The following TCF12 variants were observed in gnomAD, a reference collection of about 807,000 sequenced individuals.
TCF12 encodes transcription factor 12.
A neutral mutation model predicts 86.0 loss-of-function variants in TCF12; 45 were observed. The observed-to-expected ratio is 0.52, with a 90% confidence interval of 0.41 to 0.67. The LOEUF is 0.67. Ranked by LOEUF, TCF12 falls within the 30% of genes least tolerant of loss-of-function variation. TCF12 has a pLI of 0.00. For synonymous variants in TCF12, 330 were observed against 299.6 expected (o/e 1.10, Z -1.05); for missense variants, 881 against 859.9 (o/e 1.02, Z -0.31).
intron 5 of TCF12, among the ~76,000 whole-genome samples, chr15:57,105,216 A>G (rs2050060936): frequency 1.3e-5 from 2 of 152,078 alleles, no homozygotes; most frequent in African/African-American, 4.8e-5. Flanking sequence ...TATGCTGTTT[A>G]GCTTTCAAAT....
In TCF12 at chr15:57,014,829, T is replaced by C. The variant is rs376410367; in HGVS notation, c.149-48921T>C. Among the ~76,000 whole-genome samples, 11 of 151,522 alleles carry C rather than the reference T, an allele frequency of 7.3e-5. No individual in the cohort carries two copies. In the South Asian group the frequency reaches 1.5e-3, roughly 20 times the overall value. The stretch of plus-strand genomic sequence containing the variant: ...ACAGTGGTCCTTATGGGTCAAGATA[T>C]GGGGGTGGGGAGGTATAATGGTTCT... On this transcript the variant is annotated intron_variant, in intron 3 of 20. Transcript: ENST00000333725.
At chr15:57,271,222 C>T (rs547536506) in intron 18 of TCF12, among the ~76,000 whole-genome samples, 48 of 152,334 alleles carry the variant, frequency 3.2e-4, no homozygotes, top group African/African-American at 1.1e-3. Flanking sequence ...CGGTGGGCTC[C>T]GCCCAGTTCG....
rs557983732 is a variant in TCF12 at position 56,970,120 on chromosome 15, A to G, written c.148+49022A>G. On this transcript the variant is annotated intron_variant, in intron 3 of 20. Transcript: ENST00000333725. ...ACCTAAGAGCATATTGAAACAGTGTATGGTAAACTTGGCATCTCAGAGCAC... is the reference window on the plus strand; with the variant it reads ...ACCTAAGAGCATATTGAAACAGTGTGTGGTAAACTTGGCATCTCAGAGCAC... 2.3e-4 allele frequency among the ~76,000 whole-genome samples: 35 copies of G among 152,344 alleles called. No individual in the cohort carries two copies. The East Asian group carries it at 5.8e-3, about 25-fold the overall frequency.
Position 57,021,368 on chromosome 15 carries a change from T to A in TCF12, c.149-42382T>A, listed in dbSNP as rs562744846. On this transcript the variant is annotated intron_variant, in intron 3 of 20. Transcript: ENST00000333725. ...AAACTAGTGATGGGACAGAAAACAT[T>A]GGCATCGGGCGCGGTGGCTCACGCC... Among the ~76,000 whole-genome samples the A allele has an allele frequency of 5.3e-5, 8 of 152,244 alleles. No individual in the cohort carries two copies. The South Asian group carries it at 1.7e-3, about 32-fold the overall frequency.
intron 4 of TCF12, among the ~76,000 whole-genome samples, chr15:57,086,147 G>T (rs757177890): frequency 4.0e-5 from 6 of 148,594 alleles, no homozygotes; most frequent in Non-Finnish European, 6.0e-5. Flanking sequence ...GGGGGAAAAA[G>T]AAAAAAAATA....
chr15:57,018,700 C>G (rs2065295332), intron 3 of TCF12, among the ~76,000 whole-genome samples: 1 of 152,078 alleles, frequency 6.6e-6, no homozygotes, highest in South Asian at 2.1e-4. Context: ...CTTGGCCTCC[C>G]AAAGGGCTAG....
At chr15:57,010,320 A>G (rs2064747130) in intron 3 of TCF12, among the ~76,000 whole-genome samples, 1 of 152,112 alleles carries the variant, frequency 6.6e-6, no homozygotes, top group African/African-American at 2.4e-5. Flanking sequence ...GGCCACGGCA[A>G]GAGGATTGCT....
At chr15:57,038,216 G>C (rs1254582604) in intron 3 of TCF12, among the ~76,000 whole-genome samples, 1 of 152,196 alleles carries the variant, frequency 6.6e-6, no homozygotes, top group East Asian at 1.9e-4. Flanking sequence ...AGGATTACTT[G>C]AGGCCAGGAG....
At chr15:57,078,589 A>G (rs1466736359) in intron 4 of TCF12, among the ~76,000 whole-genome samples, 1 of 152,184 alleles carries the variant, frequency 6.6e-6, no homozygotes, top group East Asian at 1.9e-4. Flanking sequence ...CTACACATAT[A>G]TACATATGCA....
At chr15:57,132,210 T>G (rs145642713) in intron 5 of TCF12, among the ~76,000 whole-genome samples, 2 of 152,324 alleles carry the variant, frequency 1.3e-5, no homozygotes, top group East Asian at 3.9e-4. Flanking sequence ...TCACTAGATT[T>G]CTTTCCCAAA....
chr15:56,967,931 C>G (rs1256962515), intron 3 of TCF12, among the ~76,000 whole-genome samples: 6 of 151,946 alleles, frequency 3.9e-5, no homozygotes, highest in African/African-American at 9.7e-5. Flanking sequence ...ATTTTAGCTT[C>G]TCATTGGTTG....
In TCF12 at chr15:57,234,081, G is replaced by A; in HGVS notation, c.1009G>A (p.Asp337Asn). The A allele has an allele frequency of 6.2e-7, 1 of 1,613,636 alleles. No individual in the cohort carries two copies. Among genetic ancestry groups the A allele is most frequent in the Non-Finnish European group, 8.5e-7 (1 of 1,179,666 alleles). ...TGCTGCTGGAAGCTCACAGACAGGT[G>A]ATGCACTTGGAAAGGCTTTGGCATC... is the stretch of plus-strand genomic sequence containing the variant. ...GNAAGSSQTG[D>N]ALGKALASIY... The change falls in exon 12 of 21, where the codon GAT (aspartate) becomes AAT (asparagine). Residue 337 changes from aspartate (D) to asparagine (N), a missense_variant. Asp to Asn is a conservative substitution (Grantham distance 23, BLOSUM62 1). This residue lies in a region of TCF12 where 766 missense variants were observed against 718.9 expected (regional missense o/e 1.07). Coordinates refer to ENST00000333725, the MANE Select transcript of TCF12 (RefSeq NM_207037.2).
chr15:57,079,451 C>T (rs183509069), intron 4 of TCF12, among the ~76,000 whole-genome samples: 1 of 152,232 alleles, frequency 6.6e-6, no homozygotes, highest in African/African-American at 2.4e-5. Context: ...CTCCAGGATA[C>T]AAACCATGCT....
intron 5 of TCF12, among the ~76,000 whole-genome samples, chr15:57,135,495 T>C (rs1161608919): frequency 1.3e-5 from 2 of 152,194 alleles, no homozygotes; most frequent in African/African-American, 4.8e-5. Context: ...GATTAGAAAG[T>C]TGTCTGTATC....
intron 3 of TCF12, among the ~76,000 whole-genome samples, chr15:57,049,156 A>G (rs952736434): frequency 6.6e-6 from 1 of 152,098 alleles, no homozygotes; most frequent in Non-Finnish European, 1.5e-5. Flanking sequence ...ACAGTTCTCA[A>G]ATGTCATCCC....
At chr15:56,977,362 G>A (rs577663284) in intron 3 of TCF12, among the ~76,000 whole-genome samples, 5 of 152,146 alleles carry the variant, frequency 3.3e-5, no homozygotes, top group Admixed American at 1.3e-4. Flanking sequence ...GCAGAATCCC[G>A]TCTCTACTAA....
intron 5 of TCF12, among the ~76,000 whole-genome samples, chr15:57,101,618 T>G (rs1322407642): frequency 6.6e-6 from 1 of 152,262 alleles, no homozygotes; most frequent in Non-Finnish European, 1.5e-5. Context: ...CACGTGCATA[T>G]GCACCCACAC....
At chr15:57,198,198 A>G (rs1597249182) in intron 8 of TCF12, among the ~76,000 whole-genome samples, 1 of 152,288 alleles carries the variant, frequency 6.6e-6, no homozygotes, top group Middle Eastern at 3.4e-3. Context: ...AATCTTAGAA[A>G]TTTACATTTG....
rs113502515 is a variant in TCF12, at chr15:57,272,947, C to A, written c.1746-83C>A. On this transcript the variant is annotated intron_variant, in intron 18 of 20. Coordinates refer to ENST00000333725, the MANE Select transcript of TCF12 (RefSeq NM_207037.2). ...ATTTATAGGTGGTTTTCATTTCCAT[C>A]TTTACGCTTTATAATTGTGCACAAT... The A allele has an allele frequency of 6.1e-6, 8 of 1,305,466 alleles. 1 individual carries two copies. In the African/African-American group the frequency reaches 8.9e-5, roughly 15 times the overall value. The allele number at this position is 1,305,466 out of a possible 1,614,324, so 80.9% of individuals were successfully genotyped here. A position where few individuals can be genotyped will look rare whatever the true frequency, so the allele number is the denominator to read the frequency against.
Sources: allele counts gnomAD v4.1 joint callset (sites outside exome capture counted in the v4.1 genomes callset), GRCh38; gene constraint gnomAD v4.1.1; regional missense constraint gnomAD v4.1.1; transcripts MANE v1.5; gene names NCBI Gene and HGNC (gene_info 2026-07-23, HGNC 2026-07-21).